Variants in CAMKMT observed in about 807,000 individuals in gnomAD.
CAMKMT encodes the protein calmodulin-lysine N-methyltransferase.
CAMKMT carries 53 observed loss-of-function variants against 48.0 expected under a neutral mutation model. That is an observed-to-expected ratio of 1.10 (90% CI 0.89 to 1.39). CAMKMT has a LOEUF of 1.39. Among genes scored for constraint, CAMKMT ranks in the 40% most tolerant of loss-of-function variants. The probability of loss-of-function intolerance (pLI) is 0.00; values close to 1 mark genes in which losing one functional copy is unlikely to be tolerated. For synonymous variants in CAMKMT, 165 were observed against 152.3 expected (o/e 1.08, Z -0.61); for missense variants, 428 against 402.7 (o/e 1.06, Z -0.54).
intron 3 of CAMKMT, among the ~76,000 whole-genome samples, chr2:44,446,159 G>C (rs1166159787): frequency 6.6e-6 from 1 of 152,008 alleles, no homozygotes; most frequent in Non-Finnish European, 1.5e-5. Flanking sequence ...TGTTCGCCAG[G>C]CTGGTCTCGA....
intron 3 of CAMKMT, among the ~76,000 whole-genome samples, chr2:44,482,089 T>C (rs899396210): frequency 1.3e-5 from 2 of 152,056 alleles, no homozygotes; most frequent in African/African-American, 2.4e-5. Context: ...CTCATGCATT[T>C]TGAGGGGAAT....
chr2:44,608,972 T>A (rs1671451219), intron 3 of CAMKMT, among the ~76,000 whole-genome samples: 1 of 152,364 alleles, frequency 6.6e-6, no homozygotes, highest in Admixed American at 6.5e-5. Flanking sequence ...TCAAGTAATT[T>A]AAATCTCTAT....
At chr2:44,710,674 A>G (rs374387219) in intron 6 of CAMKMT, among the ~76,000 whole-genome samples, 1 of 152,070 alleles carries the variant, frequency 6.6e-6, no homozygotes, top group African/African-American at 2.4e-5. Flanking sequence ...AACTGCCCAC[A>G]TATAATAATT....
At chr2:44,628,234 C>G (rs1282455443) in intron 3 of CAMKMT, among the ~76,000 whole-genome samples, 2 of 152,148 alleles carry the variant, frequency 1.3e-5, no homozygotes, top group Admixed American at 6.5e-5. Flanking sequence ...AGGCATGAGC[C>G]ACTGTGCCCA....
intron 3 of CAMKMT, among the ~76,000 whole-genome samples, chr2:44,577,544 G>T (rs893289274): frequency 2.0e-5 from 3 of 152,010 alleles, no homozygotes; most frequent in Non-Finnish European, 2.9e-5. Context: ...ATCTGAGTCT[G>T]AGAGGTCCAG....
chr2:44,541,057 A>G (rs572408571), intron 3 of CAMKMT, among the ~76,000 whole-genome samples: 3 of 152,192 alleles, frequency 2.0e-5, no homozygotes, highest in Admixed American at 6.5e-5. Context: ...CTTTTGTTCT[A>G]TTCTATTGGT....
intron 3 of CAMKMT, among the ~76,000 whole-genome samples, chr2:44,559,543 A>T (rs541047422): frequency 7.9e-6 from 1 of 126,896 alleles, no homozygotes; most frequent in Non-Finnish European, 1.9e-5. Context: ...TCTATTTTAC[A>T]TAACCACTTT....
chr2:44,497,709 AAGAGAG>A (rs70937918), intron 3 of CAMKMT, among the ~76,000 whole-genome samples: 6,514 of 138,910 alleles, frequency 0.047, 208 homozygotes, highest in Middle Eastern at 0.15. Context: ...TAAGCAGGCA[AAGAGAG>A]AGAGAGAGAG....
At chr2:44,532,631 C>A (rs1666547383) in intron 3 of CAMKMT, among the ~76,000 whole-genome samples, 1 of 152,010 alleles carries the variant, frequency 6.6e-6, no homozygotes, top group South Asian at 2.1e-4. Context: ...TGCATACTTT[C>A]CAATGGGAAA....
chr2:44,431,113 A>G (rs937043257), intron 3 of CAMKMT, among the ~76,000 whole-genome samples: 3 of 152,190 alleles, frequency 2.0e-5, no homozygotes, highest in East Asian at 1.9e-4. Context: ...AAATTAGGTC[A>G]GCACAATTAA....
intron 3 of CAMKMT, among the ~76,000 whole-genome samples, chr2:44,535,681 T>C (rs1666736427): frequency 6.6e-6 from 1 of 152,170 alleles, no homozygotes; most frequent in Admixed American, 6.5e-5. Context: ...TTAGATAAAA[T>C]TCAGCACCCA....
chr2:44,479,491 C>T (rs1462131289), intron 3 of CAMKMT, among the ~76,000 whole-genome samples: 3 of 152,034 alleles, frequency 2.0e-5, no homozygotes, highest in Non-Finnish European at 2.9e-5. Flanking sequence ...GCTTTTAAAC[C>T]AACATTTTTG....
At position 44,709,383 on chromosome 2, in the gene CAMKMT, A is replaced by C. The variant is rs565305412; in HGVS notation, c.556+1921A>C. On this transcript the variant is annotated intron_variant, in intron 6 of 10. Coordinates refer to ENST00000378494, the MANE Select transcript of CAMKMT (RefSeq NM_024766.5). ...GGTAGTGTGTTTTATTTCATCTCTT[A>C]GGACTTTCCTGATGGAGTTCCGTTT... 3.3e-5 allele frequency among the ~76,000 whole-genome samples: 5 copies of C among 152,326 alleles called. No individual in the cohort carries two copies. In the East Asian group the frequency reaches 9.6e-4, roughly 29 times the overall value.
intron 3 of CAMKMT, among the ~76,000 whole-genome samples, chr2:44,435,463 A>G (rs1028322748): frequency 5.3e-5 from 8 of 152,232 alleles, no homozygotes; most frequent in African/African-American, 1.7e-4. Flanking sequence ...AGCATTACCT[A>G]AAACTTAATG....
intron 3 of CAMKMT, among the ~76,000 whole-genome samples, chr2:44,408,467 C>T (rs927578549): frequency 6.6e-6 from 1 of 152,038 alleles, no homozygotes; most frequent in Non-Finnish European, 1.5e-5. Context: ...TAGGCATTGA[C>T]CTCTTTTATT....
intron 3 of CAMKMT, among the ~76,000 whole-genome samples, chr2:44,457,644 G>A (rs146495105): frequency 0.018 from 2,666 of 152,080 alleles, 80 homozygotes; most frequent in African/African-American, 0.061. Flanking sequence ...TGATCCACCC[G>A]CCTTGGCCTC....
intron 3 of CAMKMT, among the ~76,000 whole-genome samples, chr2:44,643,542 A>G (rs1391516103): frequency 2.6e-5 from 4 of 152,192 alleles, no homozygotes. Flanking sequence ...AGCTAAAGGA[A>G]ATAACTAACC....
At position 44,657,268 on chromosome 2, in the gene CAMKMT, A is replaced by T. The variant is rs1333759706; in HGVS notation, c.377-47015A>T. On this transcript the variant is annotated intron_variant, in intron 3 of 10. Transcript: ENST00000378494. This position sits in a 1 kb window ranked among gnomAD's most constrained non-coding sequence, Gnocchi z 4.3. ...TTTGAGGTTCCTGGTACATTAAAGA[A>T]CTAAAGAAATGCCAGAAGAGTGTTG... Among the ~76,000 whole-genome samples the T allele has an allele frequency of 6.6e-6, 1 of 152,212 alleles. No individual in the cohort carries two copies. Among genetic ancestry groups the T allele is most frequent in the Admixed American group, 6.5e-5 (1 of 15,292 alleles).
chr2:44,549,986 T>A (rs1455965092), intron 3 of CAMKMT, among the ~76,000 whole-genome samples: 1 of 152,144 alleles, frequency 6.6e-6, no homozygotes, highest in Non-Finnish European at 1.5e-5. Context: ...CATATTAAAA[T>A]GTGGGCAGGG....
Sources: allele counts gnomAD v4.1 joint callset (sites outside exome capture counted in the v4.1 genomes callset), GRCh38; gene constraint gnomAD v4.1.1; non-coding constraint Gnocchi (gnomAD v3.1); transcripts MANE v1.5; gene names NCBI Gene and HGNC (gene_info 2026-07-23, HGNC 2026-07-21).